Variants in PDE8A observed in about 807,000 individuals in gnomAD.
PDE8A encodes the protein high affinity cAMP-specific and IBMX-insensitive 3',5'-cyclic phosphodiesterase 8A.
PDE8A carries 59 observed loss-of-function variants against 105.0 expected under a neutral mutation model. The ratio of observed to expected loss-of-function variants is 0.56; its 90% CI spans 0.46 to 0.70. PDE8A has a LOEUF of 0.70. Among genes scored for constraint, PDE8A ranks in the 30% least tolerant of loss-of-function variants. PDE8A has a pLI of 0.00. For missense variants in PDE8A, 1,014 were observed against 1,045.9 expected (o/e 0.97, Z 0.42); for synonymous variants, 355 against 371.9 (o/e 0.95, Z 0.52).
chr15:85,021,087 A>G (rs1452611899), intron 1 of PDE8A, among the ~76,000 whole-genome samples: 2 of 152,160 alleles, frequency 1.3e-5, no homozygotes, highest in Non-Finnish European at 2.9e-5. Flanking sequence ...GAGACCTTGT[A>G]AATGGGATTA....
intron 11 of PDE8A, among the ~76,000 whole-genome samples, chr15:85,105,047 T>A (rs940907681): frequency 6.6e-6 from 1 of 152,002 alleles, no homozygotes; most frequent in African/African-American, 2.4e-5. Flanking sequence ...AGCCAGGGGA[T>A]TGGGCATGCA....
chr15:85,019,823 G>A (rs1275072452), intron 1 of PDE8A, among the ~76,000 whole-genome samples: 1 of 151,760 alleles, frequency 6.6e-6, no homozygotes, highest in African/African-American at 2.4e-5. Flanking sequence ...CAAGTGATCT[G>A]CCCACCTTGG....
intron 1 of PDE8A, among the ~76,000 whole-genome samples, chr15:85,053,515 TC>T (rs1596474675): frequency 6.6e-6 from 1 of 152,192 alleles, no homozygotes; most frequent in African/African-American, 2.4e-5. Context: ...GGTTTGTAGT[TC>T]TCCTTGAAGA....
intron 1 of PDE8A, among the ~76,000 whole-genome samples, chr15:85,043,495 A>C (rs954053714): frequency 2.0e-5 from 3 of 152,172 alleles, no homozygotes; most frequent in East Asian, 1.9e-4. Context: ...GGATTGGGTT[A>C]TCTCTCCTAT....
At chr15:85,016,542 C>A (rs2080327875) in intron 1 of PDE8A, among the ~76,000 whole-genome samples, 9 of 152,206 alleles carry the variant, frequency 5.9e-5, no homozygotes. Flanking sequence ...CACTACCACA[C>A]TGTTTTAATT....
At chr15:85,121,061 T>G (rs2082173871) in intron 18 of PDE8A, 47 bp downstream of exon 18, 1 of 1,053,378 alleles carries the variant, frequency 9.5e-7, no homozygotes, top group Non-Finnish European at 1.4e-6. Context: ...CTTTCTTTTT[T>G]AAACAGCTAT....
intron 1 of PDE8A, among the ~76,000 whole-genome samples, chr15:85,001,590 G>C (rs183127097): frequency 4.7e-4 from 72 of 152,240 alleles, no homozygotes; most frequent in Non-Finnish European, 8.5e-4. Context: ...GCTGGTACTG[G>C]GTATCCTTGT....
chr15:85,123,737 A>T (rs1168124561), intron 19 of PDE8A, among the ~76,000 whole-genome samples: 3 of 152,228 alleles, frequency 2.0e-5, no homozygotes, highest in African/African-American at 7.2e-5. Flanking sequence ...CTTCAATCCA[A>T]TCAAGTTGAC....
chr15:84,999,171 A>C (rs2080026167), intron 1 of PDE8A, among the ~76,000 whole-genome samples: 1 of 137,558 alleles, frequency 7.3e-6, no homozygotes, highest in African/African-American at 2.8e-5. Context: ...CCTAGGCTGG[A>C]TTTCAGTGGT....
chr15:85,137,941 TC>T lies in PDE8A; in HGVS notation c.*39del. The T allele has an allele frequency of 7.5e-7, 1 of 1,331,712 alleles. No homozygotes were observed. The highest frequency in any genetic ancestry group is 1.1e-6 in the Non-Finnish European group (1 of 925,254). 82.5% of individuals were successfully genotyped at this position (1,331,712 alleles called of 1,614,324 possible). ...CCCAGAGCCCTGAAGCTTTGTTCCT[TC>T]GGTCATTTGGAATTCCTGAGGGCAG... is the stretch of plus-strand genomic sequence containing the variant. On this transcript the variant is annotated 3_prime_UTR_variant, in exon 22 of 22. Coordinates refer to ENST00000394553, the MANE Select transcript of PDE8A (RefSeq NM_002605.3).
intron 1 of PDE8A, among the ~76,000 whole-genome samples, chr15:85,026,700 GC>G (rs1478144309): frequency 6.6e-6 from 1 of 152,098 alleles, no homozygotes. Context: ...AGATGCTTGA[GC>G]CCAAAAGTTT....
intron 8 of PDE8A, among the ~76,000 whole-genome samples, chr15:85,096,349 C>T (rs1343231477): frequency 1.3e-5 from 2 of 152,028 alleles, no homozygotes; most frequent in Non-Finnish European, 2.9e-5. Context: ...GTCCCAGCTA[C>T]TTGGGAGGCT....
intron 7 of PDE8A, among the ~76,000 whole-genome samples, chr15:85,090,216 C>A (rs2081618979): frequency 6.6e-6 from 1 of 152,150 alleles, no homozygotes; most frequent in Non-Finnish European, 1.5e-5. Flanking sequence ...CAACTTTGGG[C>A]AAGTTGTTTA....
At chr15:85,040,802 G>A (rs1201901336) in intron 1 of PDE8A, among the ~76,000 whole-genome samples, 2 of 151,890 alleles carry the variant, frequency 1.3e-5, no homozygotes, top group Non-Finnish European at 1.5e-5. Flanking sequence ...CTTGTGATCC[G>A]CCTGCCTTGG....
intron 1 of PDE8A, among the ~76,000 whole-genome samples, chr15:85,013,007 A>T (rs796285203): frequency 9.9e-5 from 15 of 152,204 alleles, no homozygotes; most frequent in African/African-American, 3.4e-4. Flanking sequence ...CCCCATCCAC[A>T]GTTAAACAGA....
intron 20 of PDE8A, among the ~76,000 whole-genome samples, chr15:85,133,230 T>A (rs2082354071): frequency 6.6e-6 from 1 of 152,210 alleles, no homozygotes; most frequent in Admixed American, 6.5e-5. Context: ...GGGCCTTAGA[T>A]GATCTGTTGT....
At chr15:85,098,272 C>T (rs866681026) in intron 9 of PDE8A, among the ~76,000 whole-genome samples, 1 of 152,166 alleles carries the variant, frequency 6.6e-6, no homozygotes, top group African/African-American at 2.4e-5. Context: ...TGCGTGGATA[C>T]ACAAGAAACT....
intron 11 of PDE8A, among the ~76,000 whole-genome samples, chr15:85,103,992 G>A (rs2081907870): frequency 6.6e-6 from 1 of 152,200 alleles, no homozygotes; most frequent in Admixed American, 6.5e-5. Flanking sequence ...CCAGACATGG[G>A]AAGGAAGGTT....
At chr15:85,035,067 G>T (rs745317526) in intron 1 of PDE8A, among the ~76,000 whole-genome samples, 15 of 152,100 alleles carry the variant, frequency 9.9e-5, no homozygotes, top group Non-Finnish European at 1.9e-4. Context: ...GGGAGTTGGG[G>T]TTACAACAGT....
Sources: gnomAD v4.1 joint callset for allele counts (sites outside exome capture counted in the v4.1 genomes callset) on GRCh38, gnomAD v4.1.1 for gene constraint, MANE v1.5 for transcripts, NCBI Gene and HGNC (gene_info 2026-07-23, HGNC 2026-07-21) for gene names.